Variants in NHEJ1 observed in about 807,000 individuals in gnomAD.
NHEJ1 encodes the protein non-homologous end-joining factor 1.
Under a neutral mutation model 39.4 loss-of-function variants are expected in NHEJ1, and 22 were observed. That is an observed-to-expected ratio of 0.56 (90% CI 0.40 to 0.80). NHEJ1 has a LOEUF of 0.80. Ranked by LOEUF, NHEJ1 falls within the 30% of genes least tolerant of loss-of-function variation. NHEJ1 has a pLI of 0.00. For missense variants in NHEJ1, 329 were observed against 357.1 expected, an observed-to-expected ratio of 0.92 and a Z score of 0.63; for synonymous variants, 154 against 135.6, an observed-to-expected ratio of 1.14 and a Z score of -0.94.
intron 5 of NHEJ1, among the ~76,000 whole-genome samples, chr2:219,123,778 C>T (rs1466645762): frequency 6.6e-6 from 1 of 152,144 alleles, no homozygotes; most frequent in Non-Finnish European, 1.5e-5. Flanking sequence ...CCTTTACCCA[C>T]ACTCAAGAGG....
chr2:219,100,609 TAAAAAAAAA>T (rs58295341), intron 5 of NHEJ1, among the ~76,000 whole-genome samples: 1 of 121,462 alleles, frequency 8.2e-6, no homozygotes, highest in African/African-American at 3.0e-5. Context: ...AGACTGTCTT[TAAAAAAAAA>T]AAAAAAAAAG....
intron 3 of NHEJ1, among the ~76,000 whole-genome samples, chr2:219,148,408 C>A (rs1949762932): frequency 6.6e-6 from 1 of 151,924 alleles, no homozygotes; most frequent in African/African-American, 2.4e-5. Flanking sequence ...AATTTTTTAA[C>A]ATTAGCCAGG....
chr2:219,146,161 A>G lies in NHEJ1; in HGVS notation c.588+519T>C, dbSNP rs373671507. ...AGGCAGGAGCTTCTGACAGGCCACA[A>G]TTATCTACTCCCCATTCATTCCTTT... On this transcript the variant is annotated intron_variant, in intron 5 of 7. Transcript: ENST00000356853. 1.7e-3 allele frequency among the ~76,000 whole-genome samples: 259 copies of G among 152,246 alleles called. 2 individuals carry two copies. Among genetic ancestry groups the G allele is most frequent in the African/African-American group, 6.0e-3 (249 of 41,526 alleles).
rs1949010914 is a variant in NHEJ1, at chr2:219,076,114, AC to A, written c.*266del. 1 of 649,058 alleles carries A rather than the reference AC, an allele frequency of 1.5e-6. No individual in the cohort carries two copies. The highest frequency in any genetic ancestry group is 2.6e-6 in the Non-Finnish European group (1 of 387,726). 40.2% of individuals were successfully genotyped at this position (649,058 alleles called of 1,614,324 possible). A position where few individuals can be genotyped will look rare whatever the true frequency, so the allele number is the denominator to read the frequency against. On this transcript the variant is annotated 3_prime_UTR_variant, in exon 8 of 8. Coordinates refer to ENST00000356853, the MANE Select transcript of NHEJ1 (RefSeq NM_024782.3). The stretch of plus-strand genomic sequence containing the variant: ...GCTTTCTTGCTGACTTGCCCTATAT[AC>A]CTAAAGTCCATGGTAGAAACCTGAA...
At chr2:219,107,444 CAA>C (rs1327287270) in intron 5 of NHEJ1, among the ~76,000 whole-genome samples, 1 of 152,130 alleles carries the variant, frequency 6.6e-6, no homozygotes, top group Non-Finnish European at 1.5e-5. Context: ...AACTGGAATT[CAA>C]ATCAAAGTAT....
intron 5 of NHEJ1, among the ~76,000 whole-genome samples, chr2:219,113,103 C>A (rs2106340462): frequency 6.6e-6 from 1 of 152,310 alleles, no homozygotes; most frequent in East Asian, 1.9e-4. Context: ...AAGTACTTTA[C>A]CTCCTCAGTG....
intron 5 of NHEJ1, among the ~76,000 whole-genome samples, chr2:219,135,892 T>C (rs887002698): frequency 1.3e-5 from 2 of 152,024 alleles, no homozygotes; most frequent in African/African-American, 4.8e-5. Context: ...GAGGAAAAAA[T>C]AGTTTTCACT....
Position 219,111,034 on chromosome 2 carries a change from A to T in NHEJ1, c.589-32828T>A, listed in dbSNP as rs1949360978. Among the ~76,000 whole-genome samples the T allele has an allele frequency of 6.6e-6, 1 of 152,220 alleles. No individual in the cohort carries two copies. The highest frequency in any genetic ancestry group is 2.4e-5 in the African/African-American group (1 of 41,454). ...GCTTAGTTTTAAAGTATTTCTCTTT[A>T]CTGAAACAGCTCAAAGTTCCTTTAA... On this transcript the variant is annotated intron_variant, in intron 5 of 7. Coordinates refer to ENST00000356853, the MANE Select transcript of NHEJ1 (RefSeq NM_024782.3). This position sits in a 1 kb window ranked among gnomAD's most constrained non-coding sequence, Gnocchi z 4.1.
At chr2:219,082,834 G>C (rs897661722) in intron 5 of NHEJ1, among the ~76,000 whole-genome samples, 4 of 152,214 alleles carry the variant, frequency 2.6e-5, no homozygotes, top group African/African-American at 9.7e-5. Context: ...GGTAAACATT[G>C]CTGGTCTAGA....
chr2:219,136,286 C>CTTTTT (rs36102678), intron 5 of NHEJ1, among the ~76,000 whole-genome samples: 1 of 125,872 alleles, frequency 7.9e-6, no homozygotes, highest in Non-Finnish European at 1.7e-5. Flanking sequence ...CACTTGGTTT[C>CTTTTT]TTTTTTTTTT....
intron 5 of NHEJ1, among the ~76,000 whole-genome samples, chr2:219,078,726 C>T (rs1157869351): frequency 6.6e-6 from 1 of 152,148 alleles, no homozygotes; most frequent in Non-Finnish European, 1.5e-5. Flanking sequence ...TTTGAGGCCC[C>T]CGGCCATTTT....
chr2:219,134,045 T>A lies in NHEJ1; in HGVS notation c.588+12635A>T, dbSNP rs150049754. Among the ~76,000 whole-genome samples the A allele has an allele frequency of 5.8e-3, 876 of 152,314 alleles. 6 individuals are homozygous for A. The highest frequency in any genetic ancestry group is 0.037 in the South Asian group (178 of 4,826). On this transcript the variant is annotated intron_variant, in intron 5 of 7. Coordinates refer to ENST00000356853, the MANE Select transcript of NHEJ1 (RefSeq NM_024782.3). ...GCTATCTCATTTATTTCCTTCTCAT[T>A]GTGAAACTTCTCTGGTGAAGAGTTC... is the stretch of plus-strand genomic sequence containing the variant.
Position 219,111,150 on chromosome 2 carries a change from G to T in NHEJ1, c.589-32944C>A, listed in dbSNP as rs1238009135. ...CCAGAGGGGGGAAAATCATTTTAAA[G>T]ATGATTTTAGAACTGGAATAGAATT... On this transcript the variant is annotated intron_variant, in intron 5 of 7. Coordinates refer to ENST00000356853, the MANE Select transcript of NHEJ1 (RefSeq NM_024782.3). The surrounding 1 kb of genome is among the most constrained non-coding windows in gnomAD (Gnocchi z 4.1). Among the ~76,000 whole-genome samples the T allele has an allele frequency of 3.3e-5, 5 of 152,124 alleles. No individual in the cohort carries two copies. The highest frequency in any genetic ancestry group is 1.2e-4 in the African/African-American group (5 of 41,420).
At chr2:219,101,780 C>T (rs1398404948) in intron 5 of NHEJ1, among the ~76,000 whole-genome samples, 1 of 147,060 alleles carries the variant, frequency 6.8e-6, no homozygotes, top group African/African-American at 2.5e-5. Context: ...GGCTGGAGTG[C>T]AGTGGCGCGA....
intron 5 of NHEJ1, among the ~76,000 whole-genome samples, chr2:219,139,383 T>C (rs537693915): frequency 8.5e-5 from 13 of 152,048 alleles, no homozygotes; most frequent in Admixed American, 3.9e-4. Flanking sequence ...CCACCCCACC[T>C]GGCCTTGGTC....
In NHEJ1 at chr2:219,077,359, G is replaced by A; in HGVS notation, c.712C>T (p.Pro238Ser). 1.2e-6 allele frequency: 2 copies of A among 1,610,452 alleles called. No homozygotes were observed. Among genetic ancestry groups the A allele is most frequent in the Non-Finnish European group, 1.7e-6 (2 of 1,176,688 alleles). Residue 238 changes from proline to serine, a missense_variant, in exon 7 of 8, where the codon CCT becomes TCT. Coordinates refer to ENST00000356853, the MANE Select transcript of NHEJ1 (RefSeq NM_024782.3). Reference sequence around the variant, plus strand: ...AGGGAAGCACTGTTTGAGGTATGAGGATCTCCTGAAATCAGAAAGATCAAG... The same window carrying A: ...AGGGAAGCACTGTTTGAGGTATGAGAATCTCCTGAAATCAGAAAGATCAAG... ...VGQKHQGAGD[P>S]HTSNSASLQG...
rs1456109052 is a variant in NHEJ1 at position 219,074,701 on chromosome 2, G to A, written c.*1680C>T. 7.3e-5 allele frequency among the ~76,000 whole-genome samples: 11 copies of A among 150,730 alleles called. No individual in the cohort carries two copies. The East Asian group carries it at 1.2e-3, about 16-fold the overall frequency. ...AGTTTGCAGTGAGCCAAAATTGTGC[G>A]ATTGTACTCCAGCCTAGGCAACAAG... On this transcript the variant is annotated 3_prime_UTR_variant, in exon 8 of 8. Transcript: ENST00000356853.
At chr2:219,078,320 G>A (rs754995490) in intron 5 of NHEJ1, 114 bp from the exon 6 acceptor site, 9 of 917,244 alleles carry the variant, frequency 9.8e-6, no homozygotes, top group Non-Finnish European at 1.6e-5. Flanking sequence ...AAAGCAGTTA[G>A]ATCCAATAGG....
At chr2:219,080,641 T>TTATATATGCTAATATATATGCTTATA in intron 5 of NHEJ1, among the ~76,000 whole-genome samples, 1 of 104,916 alleles carries the variant, frequency 9.5e-6, no homozygotes, top group Admixed American at 8.9e-5. Context: ...ATATATAAGC[T>TTATATATGCTAATATATATGCTTATA]TATATATATG....
Sources: gnomAD v4.1 joint callset for allele counts (sites outside exome capture counted in the v4.1 genomes callset) on GRCh38, gnomAD v4.1.1 for gene constraint, Gnocchi (gnomAD v3.1) non-coding constraint, MANE v1.5 for transcripts, NCBI Gene and HGNC (gene_info 2026-07-23, HGNC 2026-07-21) for gene names.